NAALADL2: variants seen among roughly 807,000 people sequenced by gnomAD.
NAALADL2 encodes the protein N-acetylated alpha-linked acidic dipeptidase like 2, also known as inactive N-acetylated-alpha-linked acidic dipeptidase-like protein 2.
In NAALADL2, 76 loss-of-function variants were observed where a neutral mutation model predicts 87.2. That is an observed-to-expected ratio of 0.87 (90% CI 0.72 to 1.05). NAALADL2 has a LOEUF of 1.05. Among genes scored for constraint, NAALADL2 ranks in the 50% least tolerant of loss-of-function variants. NAALADL2 has a pLI of 0.00. For synonymous variants in NAALADL2, 354 were observed against 331.0 expected (o/e 1.07, Z -0.75); for missense variants, 1,089 against 945.8 (o/e 1.15, Z -1.99).
intron 10 of NAALADL2, among the ~76,000 whole-genome samples, chr3:175,624,943 A>G (rs1470130012): frequency 1.3e-5 from 2 of 152,082 alleles, no homozygotes; most frequent in Admixed American, 1.3e-4. Context: ...GATTTCTAGC[A>G]TCGAGTTCCT....
chr3:174,980,567 G>A (rs904467916), intron 1 of NAALADL2, among the ~76,000 whole-genome samples: 23 of 151,926 alleles, frequency 1.5e-4, no homozygotes, highest in African/African-American at 4.8e-4. Context: ...AATATTTTCC[G>A]AATCAAAAAG....
chr3:175,362,579 T>C (rs1331900252), intron 5 of NAALADL2, among the ~76,000 whole-genome samples: 1 of 148,420 alleles, frequency 6.7e-6, no homozygotes, highest in Non-Finnish European at 1.5e-5. Context: ...ATCCATTCAT[T>C]GATTTATGGG....
chr3:175,677,876 CT>C (rs978729434), intron 11 of NAALADL2, among the ~76,000 whole-genome samples: 5 of 152,108 alleles, frequency 3.3e-5, no homozygotes, highest in African/African-American at 9.7e-5. Context: ...GAAAAATTTT[CT>C]GCTTGAATTA....
chr3:175,639,556 G>A (rs1299766027), intron 11 of NAALADL2, among the ~76,000 whole-genome samples: 2 of 151,798 alleles, frequency 1.3e-5, no homozygotes, highest in South Asian at 2.1e-4. Context: ...TCCTGACCTC[G>A]TGATCCGCCC....
chr3:175,728,783 C>G (rs1346601152), intron 11 of NAALADL2, among the ~76,000 whole-genome samples: 1 of 152,134 alleles, frequency 6.6e-6, no homozygotes, highest in Non-Finnish European at 1.5e-5. Flanking sequence ...ATCACTGAAT[C>G]ATGGCCATAT....
chr3:174,705,692 A>T (rs557810185), intron 2 of NAALADL2, among the ~76,000 whole-genome samples: 4 of 151,392 alleles, frequency 2.6e-5, no homozygotes, highest in Admixed American at 6.6e-5. Context: ...CTGAGGCAGG[A>T]GAATGGCGTG....
At chr3:175,053,250 T>C (rs1303806300) in intron 1 of NAALADL2, among the ~76,000 whole-genome samples, 1 of 152,186 alleles carries the variant, frequency 6.6e-6, no homozygotes, top group Non-Finnish European at 1.5e-5. Context: ...CCAATAAGTA[T>C]AATTGTTCTC....
chr3:174,444,215 A>G (rs1467162870), intron 1 of NAALADL2, among the ~76,000 whole-genome samples: 2 of 152,156 alleles, frequency 1.3e-5, no homozygotes, highest in African/African-American at 2.4e-5. Flanking sequence ...AAGAGAGACT[A>G]TCTGTTGCTA....
At chr3:175,556,723 A>T (rs1000121687) in intron 9 of NAALADL2, among the ~76,000 whole-genome samples, 1 of 152,236 alleles carries the variant, frequency 6.6e-6, no homozygotes, top group African/African-American at 2.4e-5. Context: ...GAAGTTTAAA[A>T]ACTATCTTAC....
At chr3:175,540,292 A>C (rs1312167682) in intron 9 of NAALADL2, among the ~76,000 whole-genome samples, 2 of 152,146 alleles carry the variant, frequency 1.3e-5, no homozygotes, top group African/African-American at 4.8e-5. Flanking sequence ...GGTGATCCTT[A>C]CGGATATGTC....
intron 10 of NAALADL2, among the ~76,000 whole-genome samples, chr3:175,601,922 C>A (rs1334401038): frequency 2.0e-5 from 3 of 152,128 alleles, no homozygotes; most frequent in Admixed American, 6.6e-5. Flanking sequence ...AATTAAGCTG[C>A]GTGCTTCTTA....
chr3:175,300,753 A>ATTTATTTT (rs1756960682), intron 4 of NAALADL2, among the ~76,000 whole-genome samples: 1 of 140,316 alleles, frequency 7.1e-6, no homozygotes, highest in South Asian at 2.2e-4. Context: ...TTATTTATTT[A>ATTTATTTT]TTTTTATTTA....
intron 4 of NAALADL2, among the ~76,000 whole-genome samples, chr3:175,323,021 A>G (rs1301067213): frequency 0.028 from 4,265 of 149,950 alleles, 181 homozygotes; most frequent in African/African-American, 0.1. Flanking sequence ...TCATGCTGCT[A>G]TAAAGACACA....
intron 1 of NAALADL2, among the ~76,000 whole-genome samples, chr3:174,454,776 AAGTT>A (rs1314227075): frequency 1.3e-5 from 2 of 152,128 alleles, no homozygotes; most frequent in East Asian, 3.9e-4. Flanking sequence ...TCACATTAAA[AAGTT>A]AGAAAGATCT....
chr3:175,276,898 C>T (rs1004438001), intron 4 of NAALADL2, among the ~76,000 whole-genome samples: 1 of 152,104 alleles, frequency 6.6e-6, no homozygotes, highest in Non-Finnish European at 1.5e-5. Context: ...ATCCCATTCT[C>T]AATTCCAGAG....
chr3:175,562,053 T>C (rs943492437), intron 9 of NAALADL2, among the ~76,000 whole-genome samples: 5 of 152,204 alleles, frequency 3.3e-5, no homozygotes, highest in African/African-American at 4.8e-5. Flanking sequence ...ATCAAATTAG[T>C]CTGTATTTGA....
chr3:174,471,346 C>T (rs1716890146), intron 1 of NAALADL2, among the ~76,000 whole-genome samples: 1 of 152,042 alleles, frequency 6.6e-6, no homozygotes, highest in Admixed American at 6.6e-5. Flanking sequence ...TTATAAGCCT[C>T]CTATGTCCTC....
intron 10 of NAALADL2, among the ~76,000 whole-genome samples, chr3:175,597,879 G>C (rs1722450876): frequency 6.6e-6 from 1 of 151,756 alleles, no homozygotes; most frequent in African/African-American, 2.4e-5. Context: ...TAAACTTCAG[G>C]CATGATTATC....
chr3:175,364,243 C>A (rs1262614805), intron 5 of NAALADL2, among the ~76,000 whole-genome samples: 2 of 148,056 alleles, frequency 1.4e-5, no homozygotes, highest in Non-Finnish European at 3.0e-5. Context: ...TAACTCATTT[C>A]TTTTATCTTA....
Sources: allele counts gnomAD v4.1 joint callset (sites outside exome capture counted in the v4.1 genomes callset), GRCh38; gene constraint gnomAD v4.1.1; transcripts MANE v1.5; gene names NCBI Gene and HGNC (gene_info 2026-07-23, HGNC 2026-07-21).